The following RGS7 variants were observed in gnomAD, a reference collection of about 807,000 sequenced individuals.
RGS7 encodes the protein regulator of G-protein signaling 7.
A neutral mutation model predicts 81.1 loss-of-function variants in RGS7; 27 were observed. That is an observed-to-expected ratio of 0.33 (90% CI 0.25 to 0.46). RGS7 has a LOEUF of 0.46. RGS7 is among the 20% of genes least tolerant of loss of function. RGS7 has a pLI of 1.00. For missense variants in RGS7, 396 were observed against 607.4 expected (o/e 0.65, Z 3.66); for synonymous variants, 208 against 207.7 (o/e 1.00, Z -0.01).
intron 6 of RGS7, among the ~76,000 whole-genome samples, chr1:240,892,699 A>G (rs1200632691): frequency 6.6e-6 from 1 of 152,136 alleles, no homozygotes; most frequent in Admixed American, 6.5e-5. Flanking sequence ...TGTGTCAAAT[A>G]AGGAAAATGT....
intron 2 of RGS7, among the ~76,000 whole-genome samples, chr1:241,340,712 A>G (rs2148695694): frequency 6.6e-6 from 1 of 152,312 alleles, no homozygotes; most frequent in Non-Finnish European, 1.5e-5. Context: ...GCAAAAGATA[A>G]GAGAAACATT....
At chr1:240,860,440 T>G (rs904203642) in intron 9 of RGS7, among the ~76,000 whole-genome samples, 1 of 152,184 alleles carries the variant, frequency 6.6e-6, no homozygotes, top group African/African-American at 2.4e-5. Context: ...ATTGATCTTT[T>G]TATCATTATG....
intron 2 of RGS7, among the ~76,000 whole-genome samples, chr1:241,116,017 C>A (rs544487219): frequency 1.3e-5 from 2 of 152,104 alleles, no homozygotes; most frequent in Admixed American, 1.3e-4. Context: ...CTTGCCACCA[C>A]GTGTGCTTCC....
chr1:241,251,711 C>T (rs538419831), intron 2 of RGS7, among the ~76,000 whole-genome samples: 1 of 151,978 alleles, frequency 6.6e-6, no homozygotes, highest in South Asian at 2.1e-4. Context: ...GGTTTCATCA[C>T]CTTCACCAGG....
chr1:241,072,629 T>C (rs191253684), intron 3 of RGS7, among the ~76,000 whole-genome samples: 3 of 152,270 alleles, frequency 2.0e-5, no homozygotes, highest in Admixed American at 2.0e-4. Flanking sequence ...GTTGATGGTG[T>C]CCTGTGGGGA....
At position 240,813,588 on chromosome 1, in the gene RGS7, T is replaced by C. The variant is rs768564925; in HGVS notation, c.956+30A>G. On this transcript the variant is annotated intron_variant, in intron 13 of 18. Coordinates refer to ENST00000440928, the MANE Select transcript of RGS7 (RefSeq NM_001364886.1). ...ACTCAGACCCTGAAATAAAGCAACATATGGGCGAGAAAGATAAAATGCCAC... is the reference window on the plus strand; with the variant it reads ...ACTCAGACCCTGAAATAAAGCAACACATGGGCGAGAAAGATAAAATGCCAC... The C allele has an allele frequency of 7.6e-6, 10 of 1,313,784 alleles. No individual in the cohort carries two copies. In the African/African-American group the frequency reaches 1.3e-4, roughly 17 times the overall value. The allele number at this position is 1,313,784 out of a possible 1,614,324, so 81.4% of individuals were successfully genotyped here.
rs369155474 is a variant in RGS7 at position 240,955,551 on chromosome 1, C to CA, written c.227-18846dup. Reference sequence around the variant, plus strand: ...TGGGCGGCAGAGCAAGACTCTGTCTCAAAAAAAAAAAAAAAAAAAAAAAAA... The same window carrying CA: ...TGGGCGGCAGAGCAAGACTCTGTCTCAAAAAAAAAAAAAAAAAAAAAAAAAA... On this transcript the variant is annotated intron_variant, in intron 4 of 18. Transcript: ENST00000440928. Among the ~76,000 whole-genome samples, 71 of 140,282 alleles carry CA rather than the reference C, an allele frequency of 5.1e-4. 1 individual carries two copies. The highest frequency in any genetic ancestry group is 1.9e-3 in the East Asian group (9 of 4,812). 92.0% of individuals were successfully genotyped at this position (140,282 alleles called of 152,430 possible). A position where few individuals can be genotyped will look rare whatever the true frequency, so the allele number is the denominator to read the frequency against.
intron 3 of RGS7, among the ~76,000 whole-genome samples, chr1:241,001,033 C>T (rs1306929159): frequency 1.3e-5 from 2 of 152,068 alleles, no homozygotes; most frequent in South Asian, 2.1e-4. Flanking sequence ...CTGGACACTG[C>T]AGATATAGAA....
At chr1:241,000,476 C>T (rs1289427565) in intron 3 of RGS7, among the ~76,000 whole-genome samples, 1 of 151,998 alleles carries the variant, frequency 6.6e-6, no homozygotes. Context: ...CATCTGAAAA[C>T]AAAGAAGGAA....
Position 241,272,080 on chromosome 1 carries a change from G to A in RGS7, c.78+83619C>T, listed in dbSNP as rs1184639283. Among the ~76,000 whole-genome samples, 8 of 150,878 alleles carry A rather than the reference G, an allele frequency of 5.3e-5. No individual in the cohort carries two copies. The South Asian group carries it at 1.0e-3, about 20-fold the overall frequency. On this transcript the variant is annotated intron_variant, in intron 2 of 18. Transcript: ENST00000440928. The stretch of plus-strand genomic sequence containing the variant: ...GCAATCTCAGCTCACTGCAACCTCC[G>A]CCTCCCGGGTTCACGCCATTCTCCT...
At chr1:240,944,274 GTGTGTGTGTATATA>G (rs1269018887) in intron 4 of RGS7, among the ~76,000 whole-genome samples, 28 of 18,798 alleles carry the variant, frequency 1.5e-3, no homozygotes, top group African/African-American at 3.3e-3. Flanking sequence ...GTGTGTGTGT[GTGTGTGTGTATATA>G]TATATATATA....
chr1:240,784,758 T>C (rs962971684), intron 18 of RGS7, among the ~76,000 whole-genome samples: 1 of 151,820 alleles, frequency 6.6e-6, no homozygotes, highest in Non-Finnish European at 1.5e-5. Flanking sequence ...CTCTCCCATA[T>C]GTTGCTGTAG....
At chr1:241,192,801 C>A (rs1269748835) in intron 2 of RGS7, among the ~76,000 whole-genome samples, 2 of 152,122 alleles carry the variant, frequency 1.3e-5, no homozygotes, top group Non-Finnish European at 2.9e-5. Flanking sequence ...AAGTTCAGAG[C>A]CCCACAGTAC....
At chr1:240,787,371 A>T (rs1266163030) in intron 18 of RGS7, among the ~76,000 whole-genome samples, 1 of 152,168 alleles carries the variant, frequency 6.6e-6, no homozygotes, top group Non-Finnish European at 1.5e-5. Context: ...TATTCATTTT[A>T]AAAAGGAGTT....
chr1:241,118,805 C>CT (rs1357528724), intron 2 of RGS7, among the ~76,000 whole-genome samples: 1 of 152,080 alleles, frequency 6.6e-6, no homozygotes, highest in African/African-American at 2.4e-5. Context: ...AACCAAATAC[C>CT]TTTTGTTCTC....
intron 4 of RGS7, among the ~76,000 whole-genome samples, chr1:240,940,178 T>C (rs1043850513): frequency 6.6e-6 from 1 of 152,330 alleles, no homozygotes; most frequent in East Asian, 1.9e-4. Flanking sequence ...GTGATTCTGC[T>C]AGAAAATTTA....
intron 2 of RGS7, among the ~76,000 whole-genome samples, chr1:241,310,427 A>C (rs534019003): frequency 3.4e-5 from 4 of 116,130 alleles, no homozygotes; most frequent in South Asian, 3.3e-4. Context: ...GTGAGAGTGT[A>C]TGTGTGTCTG....
In RGS7 at chr1:241,160,092, C is replaced by G. The variant is rs530909758; in HGVS notation, c.79-61330G>C. Among the ~76,000 whole-genome samples, 8 of 110,658 alleles carry G rather than the reference C, an allele frequency of 7.2e-5. No individual in the cohort carries two copies. The South Asian group carries it at 1.4e-3, about 20-fold the overall frequency. 72.6% of individuals were successfully genotyped at this position (110,658 alleles called of 152,430 possible). A position where few individuals can be genotyped will look rare whatever the true frequency, so the allele number is the denominator to read the frequency against. ...CACCACGGCACTATAGCCTGGGTGACAGAGCGAGACTCCATCTCAAAAAAA... is the reference window on the plus strand; with the variant it reads ...CACCACGGCACTATAGCCTGGGTGAGAGAGCGAGACTCCATCTCAAAAAAA... On this transcript the variant is annotated intron_variant, in intron 2 of 18. Coordinates refer to ENST00000440928, the MANE Select transcript of RGS7 (RefSeq NM_001364886.1).
intron 2 of RGS7, among the ~76,000 whole-genome samples, chr1:241,304,945 T>C (rs2079996415): frequency 6.6e-6 from 1 of 152,244 alleles, no homozygotes; most frequent in Non-Finnish European, 1.5e-5. Flanking sequence ...TAATCTGTTG[T>C]AACCCTCTCT....
Sources: allele counts gnomAD v4.1 joint callset (sites outside exome capture counted in the v4.1 genomes callset), GRCh38; gene constraint gnomAD v4.1.1; transcripts MANE v1.5; gene names NCBI Gene and HGNC (gene_info 2026-07-23, HGNC 2026-07-21).